The following DROSHA variants were observed in gnomAD, a reference collection of about 807,000 sequenced individuals.
The protein encoded by DROSHA is drosha ribonuclease III.
In DROSHA, 56 loss-of-function variants were observed where a neutral mutation model predicts 181.9. The observed-to-expected ratio is 0.31, with a 90% CI of 0.25 to 0.38. DROSHA has a LOEUF of 0.38. DROSHA is among the 10% of genes least tolerant of loss of function. The pLI, the probability that DROSHA is intolerant of heterozygous loss-of-function variation, is 1.00. For synonymous variants in DROSHA, 524 were observed against 591.2 expected, an observed-to-expected ratio of 0.89 and a Z score of 1.65; for missense variants, 1,218 against 1,743.5, an observed-to-expected ratio of 0.70 and a Z score of 5.37.
At chr5:31,501,613 G>A (rs1753579979) in intron 11 of DROSHA, among the ~76,000 whole-genome samples, 1 of 152,116 alleles carries the variant, frequency 6.6e-6, no homozygotes. Context: ...CTGAAGACCT[G>A]AAGGATGACT....
In DROSHA at chr5:31,455,641, CTT is replaced by C. The variant is rs57423740; in HGVS notation, c.2575-4003_2575-4002del. On this transcript the variant is annotated intron_variant, in intron 20 of 35. Coordinates refer to ENST00000344624, the MANE Select transcript of DROSHA (RefSeq NM_001382508.1). ...CACTTAAACTCATATTGTTATCACA[CTT>C]TTTTTTTTTTTTTTTGAGACGGGGT... Among the ~76,000 whole-genome samples the C allele has an allele frequency of 9.0e-3, 1,254 of 139,228 alleles. 20 individuals are homozygous for C. The highest frequency in any genetic ancestry group is 0.031 in the African/African-American group (1,163 of 38,110). 91.3% of individuals were successfully genotyped at this position (139,228 alleles called of 152,430 possible).
chr5:31,521,273 C>G (rs1739868286), intron 5 of DROSHA, 58 bp from the exon 6 acceptor site: 2 of 1,566,222 alleles, frequency 1.3e-6, no homozygotes, highest in African/African-American at 2.7e-5. Flanking sequence ...AACACCATCT[C>G]TTTTCACTGA....
chr5:31,526,351 G>A lies in DROSHA; in HGVS notation c.582C>T (p.Pro194=), dbSNP rs1561299954. ...SFQNNPSSFL[P]SANNSSSPHF... is the part of the protein sequence containing the mutation. ...GAGGACTACTGCTGTTATTAGCACT[G>A]GGCAGGAAAGAACTAGGGTTGTTCT... is the stretch of plus-strand genomic sequence containing the variant. The change falls in exon 5 of 36, where the codon CCC becomes CCT. Residue 194 remains proline, a synonymous_variant. Coordinates refer to ENST00000344624, the MANE Select transcript of DROSHA (RefSeq NM_001382508.1). 1.9e-6 allele frequency: 3 copies of A among 1,613,836 alleles called. No homozygotes were observed. The highest frequency in any genetic ancestry group is 2.5e-6 in the Non-Finnish European group (3 of 1,179,864).
At chr5:31,503,227 C>T (rs1045343523) in intron 11 of DROSHA, among the ~76,000 whole-genome samples, 1 of 152,146 alleles carries the variant, frequency 6.6e-6, no homozygotes, top group Non-Finnish European at 1.5e-5. Context: ...AGAGAGGAGG[C>T]TTCACATGAG....
intron 16 of DROSHA, among the ~76,000 whole-genome samples, chr5:31,481,069 C>T (rs1366696308): frequency 6.7e-6 from 1 of 148,228 alleles, no homozygotes; most frequent in African/African-American, 2.5e-5. Flanking sequence ...CCCTTCTGCA[C>T]AGAAAAAAAT....
chr5:31,502,693 A>G (rs1737427495), intron 11 of DROSHA, among the ~76,000 whole-genome samples: 1 of 152,220 alleles, frequency 6.6e-6, no homozygotes, highest in African/African-American at 2.4e-5. Context: ...TCAGCTGATG[A>G]CTAAGGATGT....
intron 19 of DROSHA, 85 bp downstream of exon 19, chr5:31,466,097 C>A: frequency 1.5e-6 from 2 of 1,321,326 alleles, no homozygotes; most frequent in South Asian, 1.3e-5. Flanking sequence ...CATCTTGTAC[C>A]AGAAGTATAG....
rs1423109 is a variant in DROSHA, at chr5:31,460,558, A to G, written c.2574+3678T>C. On this transcript the variant is annotated intron_variant, in intron 20 of 35. Coordinates refer to ENST00000344624, the MANE Select transcript of DROSHA (RefSeq NM_001382508.1). ...TAGCAACCTACTAGCAATTATTACTAAAAAACAGTAGGTTCTATATCAATG... is the reference window on the plus strand; with the variant it reads ...TAGCAACCTACTAGCAATTATTACTGAAAAACAGTAGGTTCTATATCAATG... 8.9e-3 allele frequency among the ~76,000 whole-genome samples: 1,352 copies of G among 152,296 alleles called. 25 individuals carry two copies. The highest frequency in any genetic ancestry group is 0.031 in the African/African-American group (1,279 of 41,564).
At chr5:31,482,140 T>TA (rs1056826138) in intron 16 of DROSHA, among the ~76,000 whole-genome samples, 9 of 152,176 alleles carry the variant, frequency 5.9e-5, no homozygotes, top group Admixed American at 2.6e-4. Flanking sequence ...TGAAATTCTT[T>TA]AACTGCTGAT....
At position 31,512,186 on chromosome 5, in the gene DROSHA, A is replaced by G. The variant is rs79395050; in HGVS notation, c.1291-1010T>C. Reference sequence around the variant, plus strand: ...ATTAAGGCAAATCATAAAATCTGGTACCCAGAAGAGGGGATAATTCAGGCC... The same window carrying G: ...ATTAAGGCAAATCATAAAATCTGGTGCCCAGAAGAGGGGATAATTCAGGCC... On this transcript the variant is annotated intron_variant, in intron 8 of 35. Coordinates refer to ENST00000344624, the MANE Select transcript of DROSHA (RefSeq NM_001382508.1). Among the ~76,000 whole-genome samples the G allele has an allele frequency of 8.1e-3, 1,239 of 152,330 alleles. 51 individuals carry two copies. The East Asian group carries it at 0.12, about 15-fold the overall frequency.
intron 6 of DROSHA, among the ~76,000 whole-genome samples, chr5:31,516,873 C>T (rs1739324890): frequency 1.3e-5 from 2 of 152,118 alleles, no homozygotes; most frequent in African/African-American, 4.8e-5. Context: ...TTAACATTTA[C>T]TTCTCTTCCA....
intron 16 of DROSHA, among the ~76,000 whole-genome samples, chr5:31,474,096 A>G (rs1750076425): frequency 6.6e-6 from 1 of 152,224 alleles, no homozygotes; most frequent in South Asian, 2.1e-4. Flanking sequence ...TGTAGATAAC[A>G]CTCAGAAAAT....
intron 9 of DROSHA, among the ~76,000 whole-genome samples, chr5:31,510,745 C>T (rs889270352): frequency 1.3e-5 from 2 of 152,200 alleles, no homozygotes; most frequent in African/African-American, 4.8e-5. Flanking sequence ...GGCATGGGCT[C>T]CTGCTCTCGG....
At chr5:31,500,026 T>A (rs1003829138) in intron 11 of DROSHA, among the ~76,000 whole-genome samples, 4 of 152,064 alleles carry the variant, frequency 2.6e-5, no homozygotes, top group African/African-American at 9.7e-5. Context: ...ATGGGGACAT[T>A]TATGTTTTGA....
chr5:31,457,306 G>T (rs1449088336), intron 20 of DROSHA, among the ~76,000 whole-genome samples: 2 of 151,772 alleles, frequency 1.3e-5, no homozygotes, highest in Non-Finnish European at 2.9e-5. Flanking sequence ...TGTATTTTTA[G>T]TAGAGACAGC....
chr5:31,418,824 G>C (rs1321633597), intron 30 of DROSHA, among the ~76,000 whole-genome samples: 3 of 152,114 alleles, frequency 2.0e-5, no homozygotes, highest in Non-Finnish European at 4.4e-5. Flanking sequence ...CAATTACTCA[G>C]GGAATACTGG....
intron 11 of DROSHA, among the ~76,000 whole-genome samples, chr5:31,503,748 A>G (rs374434477): frequency 2.2e-4 from 33 of 152,324 alleles, no homozygotes; most frequent in African/African-American, 7.2e-4. Context: ...GCATGTGCAC[A>G]AACGCTCACA....
At chr5:31,451,035 C>T (rs1392111434) in intron 21 of DROSHA, among the ~76,000 whole-genome samples, 3 of 152,124 alleles carry the variant, frequency 2.0e-5, no homozygotes, top group Non-Finnish European at 4.4e-5. Flanking sequence ...AAGCCCGTCT[C>T]TACTAAAAAT....
intron 23 of DROSHA, 51 bp downstream of exon 23, chr5:31,448,496 T>A: frequency 7.5e-6 from 11 of 1,465,246 alleles, no homozygotes; most frequent in Non-Finnish European, 1.1e-5. Context: ...GTAAACTGTA[T>A]AGTACGTGAA....
Sources: gnomAD v4.1 joint callset for allele counts (sites outside exome capture counted in the v4.1 genomes callset) on GRCh38, gnomAD v4.1.1 for gene constraint, MANE v1.5 for transcripts, NCBI Gene and HGNC (gene_info 2026-07-23, HGNC 2026-07-21) for gene names.